Variants in TDRD12 observed in about 807,000 individuals in gnomAD.
The protein encoded by TDRD12 is tudor domain containing 12, also known as putative ATP-dependent RNA helicase TDRD12.
TDRD12 carries 158 observed loss-of-function variants against 133.5 expected under a neutral mutation model. The ratio of observed to expected loss-of-function variants is 1.18; its 90% CI spans 1.04 to 1.35. The LOEUF (loss-of-function observed/expected upper bound fraction) is 1.35, where lower values mean the gene tolerates loss of function less well. Ranked by LOEUF, TDRD12 falls within the 40% of genes most tolerant of loss-of-function variation. The pLI, the probability that TDRD12 is intolerant of heterozygous loss-of-function variation, is 0.00. For missense variants in TDRD12, 1,443 were observed against 1,321.3 expected, an observed-to-expected ratio of 1.09 and a Z score of -1.43; for synonymous variants, 460 against 477.9, an observed-to-expected ratio of 0.96 and a Z score of 0.49.
chr19:32,812,629 G>A (rs1025097551), intron 24 of TDRD12, among the ~76,000 whole-genome samples: 7 of 152,180 alleles, frequency 4.6e-5, no homozygotes, highest in Non-Finnish European at 5.9e-5. Context: ...GTAGCCGTCA[G>A]CAAGAATGTC....
At chr19:32,813,687 A>C (rs1967082556) in exon 25 of TDRD12, 1 of 1,519,390 alleles carries the variant, frequency 6.6e-7, no homozygotes, top group Non-Finnish European at 8.8e-7. Context: ...TTTTCAGGTT[A>C]CTAGGTACAT....
Position 32,810,085 on chromosome 19 carries a change from T to C in TDRD12, c.2653-8T>C, listed in dbSNP as rs1966947336. 1 of 1,492,214 alleles carries C rather than the reference T, an allele frequency of 6.7e-7. No individual in the cohort carries two copies. Among genetic ancestry groups the C allele is most frequent in the Non-Finnish European group, 8.9e-7 (1 of 1,118,250 alleles). 92.4% of individuals were successfully genotyped at this position (1,492,214 alleles called of 1,614,324 possible). ...GTTTCTTGGTCATGTTTACTATATA[T>C]GTTTCAGATAATACCTTTTTATATT... is the stretch of plus-strand genomic sequence containing the variant. On this transcript the variant is annotated splice_region_variant and splice_polypyrimidine_tract_variant and intron_variant, in intron 22 of 27. Transcript: ENST00000444215.
intron 1 of TDRD12, among the ~76,000 whole-genome samples, chr19:32,723,114 A>G (rs1215926577): frequency 6.6e-6 from 1 of 152,196 alleles, no homozygotes; most frequent in East Asian, 1.9e-4. Context: ...AACTGTTCCA[A>G]CATCATTTGT....
chr19:32,824,100 G>A (rs1164443068), downstream of TDRD12: 1 of 152,406 alleles, frequency 6.6e-6, no homozygotes, highest in African/African-American at 2.4e-5. Context: ...TTCATCTCTG[G>A]GCTCCTGCTC....
rs377122024 is a variant in TDRD12 at position 32,790,478 on chromosome 19, A to G, written c.1122-53A>G. On this transcript the variant is annotated intron_variant, in intron 11 of 27. Coordinates refer to ENST00000444215, the Ensembl canonical transcript of TDRD12. ...AAGGAAGAACTAAAAGAATAGCTCA[A>G]CTGAGGAAACAAACACCTTTTTCTT... is the stretch of plus-strand genomic sequence containing the variant. 1.5e-4 allele frequency: 228 copies of G among 1,509,442 alleles called. No homozygotes were observed. In the Admixed American group the frequency reaches 2.6e-3, roughly 17 times the overall value. 93.5% of individuals were successfully genotyped at this position (1,509,442 alleles called of 1,614,324 possible).
At position 32,754,363 on chromosome 19, in the gene TDRD12, G is replaced by A. The variant is rs536745532; in HGVS notation, c.583-1629G>A. ...TTGCACCTGTAGTCCTAGCTACTTG[G>A]GAGGCTGAGGTGGGAGGATCACTTG... On this transcript the variant is annotated intron_variant, in intron 6 of 27. Transcript: ENST00000444215. 5.9e-5 allele frequency among the ~76,000 whole-genome samples: 9 copies of A among 152,152 alleles called. 1 individual carries two copies. The South Asian group carries it at 1.9e-3, about 32-fold the overall frequency.
chr19:32,768,385 CTT>C (rs77912787), intron 8 of TDRD12, among the ~76,000 whole-genome samples: 9 of 142,872 alleles, frequency 6.3e-5, no homozygotes, highest in Admixed American at 7.1e-5. Flanking sequence ...GGTCTTTATT[CTT>C]TTTTTTTTTT....
chr19:32,772,679 T>C, intron 8 of TDRD12, 74 bp from the exon 9 acceptor site: 2 of 855,374 alleles, frequency 2.3e-6, no homozygotes, highest in Middle Eastern at 3.1e-4. Context: ...GCTTTTATTA[T>C]ATTCCTTTTT....
intron 16 of TDRD12, among the ~76,000 whole-genome samples, 176 bp downstream of exon 16, chr19:32,798,611 A>G (rs1259931374): frequency 6.6e-6 from 1 of 152,224 alleles, no homozygotes; most frequent in African/African-American, 2.4e-5. Flanking sequence ...TTTCCTTCCC[A>G]GTGTTAGAAT....
At position 32,805,399 on chromosome 19, in the gene TDRD12, GA is replaced by G. The variant is rs559480883; in HGVS notation, c.2553-2140del. ...CCCTATGTCCAAAAAAAAGAAAAAA[GA>G]AAAAAAAAATATGTGTGTAATATGA... On this transcript the variant is annotated intron_variant, in intron 21 of 27. Coordinates refer to ENST00000444215, the Ensembl canonical transcript of TDRD12. Among the ~76,000 whole-genome samples the G allele has an allele frequency of 7.5e-3, 1,098 of 146,106 alleles. 9 individuals carry two copies. The highest frequency in any genetic ancestry group is 0.022 in the African/African-American group (863 of 39,900).
intron 22 of TDRD12, 143 bp downstream of exon 22, chr19:32,807,791 G>C: frequency 2.1e-6 from 1 of 475,594 alleles, no homozygotes; most frequent in South Asian, 6.0e-5. Flanking sequence ...GCAACCAGAG[G>C]CACGTGTCCT....
chr19:32,807,156 A>G (rs1340380337), intron 21 of TDRD12, among the ~76,000 whole-genome samples: 2 of 150,956 alleles, frequency 1.3e-5, no homozygotes, highest in Non-Finnish European at 2.9e-5. Context: ...GTCTAGAGAA[A>G]TAGGGTGGCT....
At chr19:32,811,117 T>C in intron 23 of TDRD12, 93 bp from the exon 24 acceptor site, 2 of 1,006,978 alleles carry the variant, frequency 2.0e-6, no homozygotes, top group Non-Finnish European at 2.9e-6. Flanking sequence ...CGTTTTGGAG[T>C]CTTTTTATAT....
chr19:32,798,889 T>C (rs2145689448), intron 16 of TDRD12, among the ~76,000 whole-genome samples: 1 of 152,348 alleles, frequency 6.6e-6, no homozygotes, highest in African/African-American at 2.4e-5. Flanking sequence ...GTAGCCTGCA[T>C]TGTGCAGGGC....
At chr19:32,779,383 G>A (rs765722968) in intron 11 of TDRD12, among the ~76,000 whole-genome samples, 12 of 151,970 alleles carry the variant, frequency 7.9e-5, no homozygotes, top group African/African-American at 1.5e-4. Flanking sequence ...CTTTCTCCTC[G>A]GGCCTGTTCC....
At chr19:32,790,040 A>G (rs1476625435) in intron 11 of TDRD12, among the ~76,000 whole-genome samples, 1 of 152,034 alleles carries the variant, frequency 6.6e-6, no homozygotes, top group East Asian at 1.9e-4. Context: ...GTTTACAGGA[A>G]TGAGGCTTTA....
intron 25 of TDRD12, among the ~76,000 whole-genome samples, chr19:32,815,091 G>A (rs1287869070): frequency 3.3e-5 from 5 of 152,196 alleles, no homozygotes; most frequent in Non-Finnish European, 7.3e-5. Context: ...AGCCTCAGGA[G>A]GTAAAAGTAG....
rs11311940 is a variant in TDRD12, at chr19:32,809,986, CT to C, written c.2653-104del. On this transcript the variant is annotated intron_variant, in intron 22 of 27. Transcript: ENST00000444215. ...TTTTTTCTAAATCCACGTTGCTAAG[CT>C]TTGGTTTCTTAGGTTGGGTACTGAT... 3.0e-3 allele frequency: 2,057 copies of C among 681,234 alleles called. 31 individuals are homozygous for C. In the African/African-American group the frequency reaches 0.034, roughly 11 times the overall value. 42.2% of individuals were successfully genotyped at this position (681,234 alleles called of 1,614,324 possible).
At chr19:32,719,857 A>G in exon 1 of TDRD12, 1 of 604,588 alleles carries the variant, frequency 1.7e-6, no homozygotes, top group South Asian at 1.9e-5. Flanking sequence ...TACTGCCAGG[A>G]CGGAGCGCAT....
Sources: gnomAD v4.1 joint callset for allele counts (sites outside exome capture counted in the v4.1 genomes callset) on GRCh38, gnomAD v4.1.1 for gene constraint, MANE v1.5 for transcripts, NCBI Gene and HGNC (gene_info 2026-07-23, HGNC 2026-07-21) for gene names.